The following ATP9A variants were observed in gnomAD, a reference collection of about 807,000 sequenced individuals.
The protein encoded by ATP9A is probable phospholipid-transporting ATPase IIA.
Under a neutral mutation model 144.1 loss-of-function variants are expected in ATP9A, and 52 were observed. The observed-to-expected ratio is 0.36, with a 90% CI of 0.29 to 0.45. ATP9A has a LOEUF of 0.45. Ranked by LOEUF, ATP9A falls within the 20% of genes least tolerant of loss-of-function variation. The probability of loss-of-function intolerance (pLI) is 1.00; values close to 1 mark genes in which losing one functional copy is unlikely to be tolerated. For missense variants in ATP9A, 947 were observed against 1,392.7 expected, an observed-to-expected ratio of 0.68 and a Z score of 5.09; for synonymous variants, 582 against 557.4, an observed-to-expected ratio of 1.04 and a Z score of -0.62.
chr20:51,717,195 C>G (rs1358568189), intron 3 of ATP9A, among the ~76,000 whole-genome samples: 1 of 143,818 alleles, frequency 7.0e-6, no homozygotes, highest in Non-Finnish European at 1.5e-5. Context: ...AAAAAAAGAT[C>G]TAAACCCAAA....
chr20:51,604,974 G>T lies in ATP9A; in HGVS notation c.2850C>A (p.Phe950Leu). The T allele has an allele frequency of 6.2e-7, 1 of 1,612,914 alleles. No individual in the cohort carries two copies. ...YGALLLFESE[F>L]VHIVAISFTS... ...TGAAGGAGATGGCCACGATGTGCAC[G>T]AACTCCGACTCAAACAGCAGCAGCG... The change falls in exon 27 of 28, where the codon TTC (phenylalanine) becomes TTA (leucine). Residue 950 changes from phenylalanine (F) to leucine (L), a missense_variant. Physicochemically the swap from Phe to Leu is conservative, Grantham distance 22 (BLOSUM62 0). Around this residue, in one of 2 missense-constraint regions of ATP9A, gnomAD observed 177 missense variants for 344.9 expected, o/e 0.51. Coordinates refer to ENST00000338821, the MANE Select transcript of ATP9A (RefSeq NM_006045.3).
chr20:51,693,558 A>G (rs1449999423), intron 7 of ATP9A, among the ~76,000 whole-genome samples: 1 of 151,962 alleles, frequency 6.6e-6, no homozygotes, highest in Non-Finnish European at 1.5e-5. Flanking sequence ...TACAGGTGTC[A>G]CTATGCTGCC....
At chr20:51,608,358 C>CT (rs562796294) in intron 25 of ATP9A, among the ~76,000 whole-genome samples, 160 bp downstream of exon 25, 5 of 152,056 alleles carry the variant, frequency 3.3e-5, no homozygotes, top group Non-Finnish European at 7.4e-5. Context: ...ACTCCCACAC[C>CT]TTCCCCCCAA....
At chr20:51,673,202 C>T in intron 11 of ATP9A, among the ~76,000 whole-genome samples, 1 of 151,872 alleles carries the variant, frequency 6.6e-6, no homozygotes, top group Admixed American at 6.6e-5. Flanking sequence ...GGTGAAACCC[C>T]AACTCTACTA....
intron 3 of ATP9A, among the ~76,000 whole-genome samples, chr20:51,713,522 G>C (rs2077648976): frequency 6.6e-6 from 1 of 152,174 alleles, no homozygotes; most frequent in Non-Finnish European, 1.5e-5. Context: ...TGCAGATGAG[G>C]AAACTGAGGC....
chr20:51,634,995 C>CCA (rs1442614484), intron 15 of ATP9A, among the ~76,000 whole-genome samples: 8 of 149,698 alleles, frequency 5.3e-5, no homozygotes, highest in Non-Finnish European at 1.0e-4. Flanking sequence ...GCAATGCCCC[C>CCA]CACCTCCTGG....
At chr20:51,630,548 C>G (rs2077266061) in intron 15 of ATP9A, among the ~76,000 whole-genome samples, 2 of 151,952 alleles carry the variant, frequency 1.3e-5, no homozygotes, top group Non-Finnish European at 2.9e-5. Flanking sequence ...ACTAAAATTA[C>G]AAAATTAGCT....
intron 18 of ATP9A, among the ~76,000 whole-genome samples, chr20:51,624,197 G>A (rs73910752): frequency 0.013 from 1,987 of 152,302 alleles, 44 homozygotes; most frequent in African/African-American, 0.046. Flanking sequence ...GGGTTTACAA[G>A]GAAACAGGCA....
chr20:51,767,348 C>T (rs1218564973), intron 1 of ATP9A, among the ~76,000 whole-genome samples: 2 of 152,182 alleles, frequency 1.3e-5, no homozygotes, highest in Admixed American at 6.5e-5. Context: ...CTCTGATTGG[C>T]GGGTCTAGGC....
intron 4 of ATP9A, among the ~76,000 whole-genome samples, chr20:51,704,206 C>T (rs925275102): frequency 1.4e-5 from 2 of 145,106 alleles, no homozygotes; most frequent in Non-Finnish European, 3.0e-5. Flanking sequence ...AAAAAGGCTG[C>T]AGTTTAAATG....
At chr20:51,665,200 G>C (rs2122780111) in intron 13 of ATP9A, among the ~76,000 whole-genome samples, 1 of 148,258 alleles carries the variant, frequency 6.7e-6, no homozygotes, top group South Asian at 2.3e-4. Context: ...GTTCAGAATA[G>C]GCAAATCCAG....
At chr20:51,649,369 A>C (rs2077354453) in intron 14 of ATP9A, among the ~76,000 whole-genome samples, 1 of 152,208 alleles carries the variant, frequency 6.6e-6, no homozygotes, top group South Asian at 2.1e-4. Context: ...CTATGCGACC[A>C]TGGGAACTTT....
chr20:51,663,197 TAAAAA>T (rs745349718), intron 13 of ATP9A, among the ~76,000 whole-genome samples: 2 of 152,106 alleles, frequency 1.3e-5, no homozygotes, highest in African/African-American at 4.8e-5. Flanking sequence ...CAACTCTAGT[TAAAAA>T]AGAAAGGAAT....
intron 9 of ATP9A, among the ~76,000 whole-genome samples, chr20:51,687,882 T>C (rs181548074): frequency 3.3e-5 from 5 of 151,908 alleles, no homozygotes; most frequent in Admixed American, 3.3e-4. Context: ...GAGGAAAAAA[T>C]TGATTCATCT....
chr20:51,744,725 A>C (rs2077800165), intron 1 of ATP9A, among the ~76,000 whole-genome samples: 1 of 152,228 alleles, frequency 6.6e-6, no homozygotes, highest in East Asian at 1.9e-4. Flanking sequence ...AGCACTGCGC[A>C]AATATTTGCT....
At chr20:51,660,544 A>T (rs988433568) in intron 13 of ATP9A, among the ~76,000 whole-genome samples, 3 of 152,162 alleles carry the variant, frequency 2.0e-5, no homozygotes, top group Non-Finnish European at 2.9e-5. Flanking sequence ...CTCCACCCAC[A>T]TATCTTTCTC....
At chr20:51,658,761 C>T (rs1189221854) in intron 13 of ATP9A, among the ~76,000 whole-genome samples, 1 of 151,848 alleles carries the variant, frequency 6.6e-6, no homozygotes, top group African/African-American at 2.4e-5. Context: ...CTCAAGCGAT[C>T]CGCCTGCCTC....
intron 14 of ATP9A, among the ~76,000 whole-genome samples, chr20:51,654,426 C>T (rs1004961787): frequency 2.6e-5 from 4 of 151,746 alleles, no homozygotes; most frequent in African/African-American, 9.7e-5. Context: ...CAAATTGGTC[C>T]AGAACTTTAG....
chr20:51,606,733 T>C (rs1481642289), intron 26 of ATP9A, among the ~76,000 whole-genome samples: 3 of 152,114 alleles, frequency 2.0e-5, no homozygotes, highest in South Asian at 4.2e-4. Flanking sequence ...ATTTGGAAAC[T>C]GATTTGGTGG....
Sources: gnomAD v4.1 joint callset for allele counts (sites outside exome capture counted in the v4.1 genomes callset) on GRCh38, gnomAD v4.1.1 for gene constraint, gnomAD v4.1.1 regional missense constraint, MANE v1.5 for transcripts, NCBI Gene and HGNC (gene_info 2026-07-23, HGNC 2026-07-21) for gene names.